TMEM177: variants seen among roughly 807,000 people sequenced by gnomAD.
TMEM177 encodes the protein transmembrane protein 177.
TMEM177 carries 4 observed loss-of-function variants against 14.2 expected under a neutral mutation model. That is an observed-to-expected ratio of 0.28 (90% confidence interval 0.14 to 0.64). TMEM177 has a LOEUF of 0.64. Among genes scored for constraint, TMEM177 ranks in the 30% least tolerant of loss-of-function variants. TMEM177 has a pLI of 0.82. For missense variants in TMEM177, 344 were observed against 405.2 expected (o/e 0.85, Z 1.30); for synonymous variants, 179 against 174.5 (o/e 1.03, Z -0.20).
rs1322740502 is a variant in TMEM177 at position 119,681,028 on chromosome 2, C to G, written c.175C>G (p.Pro59Ala). The part of the protein sequence containing the change: ...WPQGQPAPLP[P>A]QLQSLFQEVL... ...TCAGGGCCAGCCAGCTCCGCTCCCT[C>G]CACAGCTGCAGAGCCTCTTCCAAGA... The change falls in exon 2 of 2, where the codon CCA becomes GCA. Residue 59 changes from proline to alanine, a missense_variant. Physicochemically the swap from Pro to Ala is conservative, Grantham distance 27. Transcript: ENST00000272521. 2 of 1,614,258 alleles carry G rather than the reference C, an allele frequency of 1.2e-6. No homozygotes were observed. Among genetic ancestry groups the G allele is most frequent in the Admixed American group, 3.3e-5 (2 of 60,032 alleles).
At chr2:119,717,059 A>G in the TMEM177 span, among the ~76,000 whole-genome samples, 1 of 152,218 alleles carries the variant, frequency 6.6e-6, no homozygotes, top group African/African-American at 2.4e-5. Flanking sequence ...TTAATACAAA[A>G]GGGACAGGCT....
the TMEM177 span, among the ~76,000 whole-genome samples, chr2:119,691,803 T>C: frequency 6.6e-5 from 10 of 152,326 alleles, no homozygotes; most frequent in African/African-American, 2.2e-4. Flanking sequence ...GACCCCAGTC[T>C]TGTCCCCTCT....
chr2:119,701,398 C>CT, the TMEM177 span, among the ~76,000 whole-genome samples: 1 of 152,058 alleles, frequency 6.6e-6, no homozygotes, highest in Non-Finnish European at 1.5e-5. Context: ...GTCCTGCCTC[C>CT]TAACTGAGGC....
the TMEM177 span, chr2:119,699,849 G>A: frequency 7.3e-6 from 3 of 409,714 alleles, no homozygotes; most frequent in Non-Finnish European, 1.5e-5. Flanking sequence ...CACAAGGTCA[G>A]TGGTCCAAAA....
chr2:119,682,054 G>A lies in TMEM177; in HGVS notation c.*265G>A. The stretch of plus-strand genomic sequence containing the variant: ...CCGCCTTGCAAGATTGTAGAGTTGG[G>A]TAAGGTCATGAACATAAGGGCCTGG... On this transcript the variant is annotated 3_prime_UTR_variant, in exon 2 of 2. Transcript: ENST00000272521. 1 of 432,192 alleles carries A rather than the reference G, an allele frequency of 2.3e-6. No individual in the cohort carries two copies. Among genetic ancestry groups the A allele is most frequent in the Non-Finnish European group, 4.3e-6 (1 of 234,054 alleles). The allele number at this position is 432,192 out of a possible 1,614,324, so 26.8% of individuals were successfully genotyped here.
At chr2:119,720,157 A>G in the TMEM177 span, among the ~76,000 whole-genome samples, 1 of 152,118 alleles carries the variant, frequency 6.6e-6, no homozygotes, top group Admixed American at 6.5e-5. Context: ...AAATATCAAA[A>G]TTTTAAATAA....
chr2:119,699,907 G>C, the TMEM177 span: 1 of 457,002 alleles, frequency 2.2e-6, no homozygotes, highest in South Asian at 1.6e-5. Context: ...AGAGAGCAAT[G>C]CTGAACTTAA....
At chr2:119,707,899 G>A in the TMEM177 span, among the ~76,000 whole-genome samples, 3 of 152,200 alleles carry the variant, frequency 2.0e-5, no homozygotes, top group Admixed American at 6.5e-5. Flanking sequence ...GATGGGACAA[G>A]CCAAGGTTTT....
the TMEM177 span, chr2:119,699,809 G>C: frequency 2.9e-6 from 1 of 344,950 alleles, no homozygotes; most frequent in Admixed American, 3.1e-5. Context: ...GGGGGAGTTG[G>C]TAGTGCCCAG....
rs200620383 is a variant in TMEM177, at chr2:119,681,603, T to C, written c.750T>C (p.Tyr250=). ...AAYACGGVEF[Y]EKLLSGNLAL... is the part of the protein sequence containing the mutation. The stretch of plus-strand genomic sequence containing the variant: ...ATGCCTGTGGTGGAGTGGAGTTCTA[T>C]GAGAAGCTTCTGTCGGGCAACCTGG... The change falls in exon 2 of 2, where the codon TAT becomes TAC. Residue 250 remains tyrosine, a synonymous_variant. Transcript: ENST00000272521. The C allele has an allele frequency of 1.2e-5, 20 of 1,614,242 alleles. No homozygotes were observed. The African/African-American group carries it at 2.4e-4, about 19-fold the overall frequency.
chr2:119,691,131 C>A (rs1226261399), downstream of TMEM177, among the ~76,000 whole-genome samples: 1 of 152,168 alleles, frequency 6.6e-6, no homozygotes, highest in African/African-American at 2.4e-5. Flanking sequence ...GGTGCCCTTG[C>A]CGGGGGGCAA....
chr2:119,684,220 C>T (rs534706965), downstream of TMEM177, among the ~76,000 whole-genome samples: 2 of 152,330 alleles, frequency 1.3e-5, no homozygotes, highest in Admixed American at 6.5e-5. Context: ...ACACAGCTTT[C>T]GTGTTCGCTG....
At chr2:119,682,677 A>T (rs947869329), downstream of TMEM177, among the ~76,000 whole-genome samples, 1 of 152,162 alleles carries the variant, frequency 6.6e-6, no homozygotes, top group African/African-American at 2.4e-5. Flanking sequence ...TCAAATGTAG[A>T]GGAAGGAACA....
downstream of TMEM177, chr2:119,685,985 A>C: frequency 2.3e-6 from 1 of 433,476 alleles, no homozygotes; most frequent in Non-Finnish European, 4.1e-6. Flanking sequence ...TTAGTGCAGC[A>C]GGGGGAACAG....
At chr2:119,685,452 G>T (rs1257133403), downstream of TMEM177, among the ~76,000 whole-genome samples, 1 of 152,022 alleles carries the variant, frequency 6.6e-6, no homozygotes, top group Non-Finnish European at 1.5e-5. Flanking sequence ...CCCCATGTGT[G>T]TGTAGATCAC....
At chr2:119,695,658 C>T in the TMEM177 span, among the ~76,000 whole-genome samples, 3 of 152,208 alleles carry the variant, frequency 2.0e-5, no homozygotes, top group Non-Finnish European at 4.4e-5. Flanking sequence ...CAAGCCACAG[C>T]GCAAGGCTCT....
At chr2:119,717,283 T>C in the TMEM177 span, among the ~76,000 whole-genome samples, 2 of 151,100 alleles carry the variant, frequency 1.3e-5, no homozygotes, top group East Asian at 2.0e-4. Context: ...TGAGCCAAGA[T>C]TGCACCACTG....
chr2:119,715,507 C>T, the TMEM177 span, among the ~76,000 whole-genome samples: 1 of 152,280 alleles, frequency 6.6e-6, no homozygotes, highest in African/African-American at 2.4e-5. Flanking sequence ...AGCATGCCCC[C>T]ACTCATTCTT....
downstream of TMEM177, among the ~76,000 whole-genome samples, chr2:119,688,907 C>T (rs549879720): frequency 6.2e-4 from 94 of 152,358 alleles, no homozygotes; most frequent in Middle Eastern, 3.4e-3. Flanking sequence ...TTTGCCTCCA[C>T]AGGCTGCTTT....
Sources: allele counts gnomAD v4.1 joint callset (sites outside exome capture counted in the v4.1 genomes callset), GRCh38; gene constraint gnomAD v4.1.1; transcripts MANE v1.5; gene names NCBI Gene and HGNC (gene_info 2026-07-23, HGNC 2026-07-21).